The following SIAH2 variants were observed in gnomAD, a reference collection of about 807,000 sequenced individuals.
SIAH2 encodes the protein E3 ubiquitin-protein ligase SIAH2.
A neutral mutation model predicts 20.4 loss-of-function variants in SIAH2; 4 were observed. The observed-to-expected ratio is 0.20, with a 90% confidence interval of 0.10 to 0.45. SIAH2 has a LOEUF of 0.45. Ranked by LOEUF, SIAH2 falls within the 20% of genes least tolerant of loss-of-function variation. SIAH2 has a pLI of 0.99. For missense variants in SIAH2, 259 were observed against 440.3 expected, an observed-to-expected ratio of 0.59 and a Z score of 3.69; for synonymous variants, 171 against 192.5, an observed-to-expected ratio of 0.89 and a Z score of 0.93.
Position 150,742,765 on chromosome 3 carries a change from G to T in SIAH2, c.418-67C>A. Reference sequence around the variant, plus strand: ...AACTTCTATTGCTTCAACCCTCTATGAGTACTTAACTACTCCATTTTCCTG... The same window carrying T: ...AACTTCTATTGCTTCAACCCTCTATTAGTACTTAACTACTCCATTTTCCTG... On this transcript the variant is annotated intron_variant, in intron 1 of 1. Coordinates refer to ENST00000312960, the MANE Select transcript of SIAH2 (RefSeq NM_005067.7). This position sits in a 1 kb window ranked among gnomAD's most constrained non-coding sequence, Gnocchi z 4.8. 1.5e-6 allele frequency: 2 copies of T among 1,350,620 alleles called. No individual in the cohort carries two copies. The highest frequency in any genetic ancestry group is 1.0e-6 in the Non-Finnish European group (1 of 993,136). The allele number at this position is 1,350,620 out of a possible 1,614,324, so 83.7% of individuals were successfully genotyped here.
chr3:150,755,708 GGTTACTCCAT>G lies in SIAH2; in HGVS notation c.417+6715_417+6724del, dbSNP rs1406382499. ...AATTTTTTATTTTTAGTAGAGACAG[GGTTACTCCAT>G]GTTGGTCAGGCTGGTCTCGAACTCC... On this transcript the variant is annotated intron_variant, in intron 1 of 1. Transcript: ENST00000312960. Among the ~76,000 whole-genome samples the G allele has an allele frequency of 7.3e-4, 111 of 151,550 alleles. 1 individual carries two copies. Among genetic ancestry groups the G allele is most frequent in the Non-Finnish European group, 2.2e-4 (15 of 67,910 alleles).
In SIAH2 at chr3:150,762,514, C is replaced by G. The variant is rs762708123; in HGVS notation, c.336G>C (p.Pro112=). ...TGGGCGTCAGGGCGCCCCTGCACGT[C>G]GGGCAGCAGCTCAACTTCTGGCGGC... ...NQCRQKLSCC[P]TCRGALTPSI... is the part of the protein sequence containing the mutation. Residue 112 remains proline, a synonymous_variant, in exon 1 of 2, where the codon CCG becomes CCC. Coordinates refer to ENST00000312960, the MANE Select transcript of SIAH2 (RefSeq NM_005067.7). The surrounding 1 kb of genome is among the most constrained non-coding windows in gnomAD (Gnocchi z 6.6). The G allele has an allele frequency of 1.2e-6, 2 of 1,613,576 alleles. No homozygotes were observed.
chr3:150,750,445 A>T (rs1379616351), intron 1 of SIAH2, among the ~76,000 whole-genome samples: 5 of 151,712 alleles, frequency 3.3e-5, no homozygotes, highest in African/African-American at 9.7e-5. Context: ...CTTAGAATTT[A>T]AAAAAAAATC....
chr3:150,753,056 C>T (rs1260550586), intron 1 of SIAH2, among the ~76,000 whole-genome samples: 1 of 152,208 alleles, frequency 6.6e-6, no homozygotes, highest in East Asian at 1.9e-4. Context: ...GAGCTTCCAT[C>T]CCTTCTTTCT....
At position 150,742,599 on chromosome 3, in the gene SIAH2, C is replaced by T. The variant is rs1714119485; in HGVS notation, c.517G>A (p.Ala173Thr). The change falls in exon 2 of 2, where the codon GCT (alanine) becomes ACT (threonine). Residue 173 changes from alanine (A) to threonine (T), a missense_variant. This residue lies in a region of SIAH2 where 160 missense variants were observed against 327.6 expected (regional missense o/e 0.49). Coordinates refer to ENST00000312960, the MANE Select transcript of SIAH2 (RefSeq NM_005067.7). This position sits in a 1 kb window ranked among gnomAD's most constrained non-coding sequence, Gnocchi z 4.8. Reference sequence around the variant, plus strand: ...AGGGACCCCTGCCACTTGCAGGAAGCACCAGGACATGGGCAGGAGTAGGGA... The same window carrying T: ...AGGGACCCCTGCCACTTGCAGGAAGTACCAGGACATGGGCAGGAGTAGGGA... ...YRPYSCPCPG[A>T]SCKWQGSLEA... The T allele has an allele frequency of 1.2e-6, 2 of 1,613,208 alleles. No homozygotes were observed. The highest frequency in any genetic ancestry group is 1.7e-6 in the Non-Finnish European group (2 of 1,179,542).
Position 150,762,196 on chromosome 3 carries a change from G to T in SIAH2, c.417+237C>A. ...GCCGGGTGAGCTACGATGTTCTAAC[G>T]ATCAGCAAATGCCAATTAATCTGTT... On this transcript the variant is annotated intron_variant, in intron 1 of 1. Transcript: ENST00000312960. This position sits in a 1 kb window ranked among gnomAD's most constrained non-coding sequence, Gnocchi z 6.6. 1.3e-6 allele frequency: 1 copy of T among 787,252 alleles called. No homozygotes were observed. The highest frequency in any genetic ancestry group is 1.8e-5 in the African/African-American group (1 of 56,706). The allele number at this position is 787,252 out of a possible 1,614,324, so 48.8% of individuals were successfully genotyped here.
chr3:150,760,835 T>C, intron 1 of SIAH2, among the ~76,000 whole-genome samples: 1 of 152,248 alleles, frequency 6.6e-6, no homozygotes, highest in African/African-American at 2.4e-5. Context: ...CCAAACCTTT[T>C]CCAACCACTA....
intron 1 of SIAH2, among the ~76,000 whole-genome samples, chr3:150,754,092 TGTTA>T (rs1714430284): frequency 6.6e-6 from 1 of 152,210 alleles, no homozygotes; most frequent in Admixed American, 6.5e-5. Flanking sequence ...ATAAAGAATG[TGTTA>T]GATAAAGAAG....
chr3:150,743,729 A>C (rs1417672438), intron 1 of SIAH2, among the ~76,000 whole-genome samples: 1 of 152,086 alleles, frequency 6.6e-6, no homozygotes, highest in Non-Finnish European at 1.5e-5. Context: ...CTGAACTTCT[A>C]CTCCAGACTC....
Position 150,741,918 on chromosome 3 carries a change from T to C in SIAH2, c.*223A>G. ...AAATACAATTCAATAAGAGTTGTTT[T>C]AGATCACAGAACAGCATCCAAATCA... On this transcript the variant is annotated 3_prime_UTR_variant, in exon 2 of 2. Transcript: ENST00000312960. 1.8e-6 allele frequency: 1 copy of C among 550,998 alleles called. No individual in the cohort carries two copies. Among genetic ancestry groups the C allele is most frequent in the East Asian group, 3.1e-5 (1 of 31,972 alleles). The allele number at this position is 550,998 out of a possible 1,614,324, so 34.1% of individuals were successfully genotyped here.
At chr3:150,746,962 A>C (rs1714228318) in intron 1 of SIAH2, among the ~76,000 whole-genome samples, 1 of 152,250 alleles carries the variant, frequency 6.6e-6, no homozygotes, top group South Asian at 2.1e-4. Context: ...ATGCTCCCAG[A>C]GTGTGGCTGA....
chr3:150,758,948 T>G (rs1372650092), intron 1 of SIAH2, among the ~76,000 whole-genome samples: 1 of 152,128 alleles, frequency 6.6e-6, no homozygotes, highest in Non-Finnish European at 1.5e-5. Context: ...TTTCTCCATG[T>G]TGGTCAGGCT....
At position 150,742,772 on chromosome 3, in the gene SIAH2, T is replaced by A; in HGVS notation, c.418-74A>T. Reference sequence around the variant, plus strand: ...ATTGCTTCAACCCTCTATGAGTACTTAACTACTCCATTTTCCTGGGCTTAA... The same window carrying A: ...ATTGCTTCAACCCTCTATGAGTACTAAACTACTCCATTTTCCTGGGCTTAA... On this transcript the variant is annotated intron_variant, in intron 1 of 1. Transcript: ENST00000312960. This position sits in a 1 kb window ranked among gnomAD's most constrained non-coding sequence, Gnocchi z 4.8. The A allele has an allele frequency of 8.0e-7, 1 of 1,244,624 alleles. No individual in the cohort carries two copies. The highest frequency in any genetic ancestry group is 1.1e-6 in the Non-Finnish European group (1 of 907,528). 77.1% of individuals were successfully genotyped at this position (1,244,624 alleles called of 1,614,324 possible).
chr3:150,757,939 G>A (rs1714519382), intron 1 of SIAH2, among the ~76,000 whole-genome samples: 1 of 152,078 alleles, frequency 6.6e-6, no homozygotes, highest in African/African-American at 2.4e-5. Flanking sequence ...GCTGCCTCTT[G>A]GGAGGTGGCA....
At chr3:150,751,479 C>T (rs932106411) in intron 1 of SIAH2, among the ~76,000 whole-genome samples, 1 of 152,018 alleles carries the variant, frequency 6.6e-6, no homozygotes, top group African/African-American at 2.4e-5. Flanking sequence ...AACAGTTTTA[C>T]AGACAGTGAT....
intron 1 of SIAH2, among the ~76,000 whole-genome samples, chr3:150,752,553 G>C (rs983962440): frequency 1.3e-5 from 2 of 152,016 alleles, no homozygotes; most frequent in African/African-American, 4.8e-5. Context: ...AGGTTGCAGT[G>C]AGCCAAGATC....
At chr3:150,752,640 A>G (rs1296616871) in intron 1 of SIAH2, among the ~76,000 whole-genome samples, 1 of 152,154 alleles carries the variant, frequency 6.6e-6, no homozygotes, top group African/African-American at 2.4e-5. Flanking sequence ...TCAAATAAAA[A>G]TACAAGATGT....
chr3:150,742,617 A>T lies in SIAH2; in HGVS notation c.499T>A (p.Ser167Thr). The T allele has an allele frequency of 6.2e-7, 1 of 1,610,364 alleles. No homozygotes were observed. Reference protein sequence around the residue: ...HEDICEYRPYSCPCPGASCKW... With the variant: ...HEDICEYRPYTCPCPGASCKW... ...CAGGAAGCACCAGGACATGGGCAGG[A>T]GTAGGGACGGTATTCACATATGTCT... The change falls in exon 2 of 2, where the codon TCC becomes ACC. Residue 167 changes from serine to threonine, a missense_variant. Ser to Thr is a moderately conservative substitution (Grantham distance 58). Coordinates refer to ENST00000312960, the MANE Select transcript of SIAH2 (RefSeq NM_005067.7). This position sits in a 1 kb window ranked among gnomAD's most constrained non-coding sequence, Gnocchi z 4.8.
rs1312985778 is a variant in SIAH2, at chr3:150,762,263, G to A, written c.417+170C>T. On this transcript the variant is annotated intron_variant, in intron 1 of 1. Coordinates refer to ENST00000312960, the MANE Select transcript of SIAH2 (RefSeq NM_005067.7). This position sits in a 1 kb window ranked among gnomAD's most constrained non-coding sequence, Gnocchi z 6.6. ...TTATTACTCGGTAAATGTCAACCCA[G>A]ACCTACACCCAAAGTGGGCTTGAGG... The A allele has an allele frequency of 1.5e-6, 2 of 1,339,454 alleles. No homozygotes were observed. Among genetic ancestry groups the A allele is most frequent in the African/African-American group, 1.5e-5 (1 of 67,436 alleles). The allele number at this position is 1,339,454 out of a possible 1,614,324, so 83.0% of individuals were successfully genotyped here. A position where few individuals can be genotyped will look rare whatever the true frequency, so the allele number is the denominator to read the frequency against.
Sources: gnomAD v4.1 joint callset for allele counts (sites outside exome capture counted in the v4.1 genomes callset) on GRCh38, gnomAD v4.1.1 for gene constraint, gnomAD v4.1.1 regional missense constraint, Gnocchi (gnomAD v3.1) non-coding constraint, MANE v1.5 for transcripts, NCBI Gene and HGNC (gene_info 2026-07-23, HGNC 2026-07-21) for gene names.